Variants in SCLT1 observed in about 807,000 individuals in gnomAD.
SCLT1 encodes sodium channel-associated protein 1.
Under a neutral mutation model 112.8 loss-of-function variants are expected in SCLT1, and 78 were observed. That is an observed-to-expected ratio of 0.69 (90% CI 0.58 to 0.83). SCLT1 has a LOEUF of 0.83. Among genes scored for constraint, SCLT1 ranks in the 40% least tolerant of loss-of-function variants. The pLI is 0.00. For synonymous variants in SCLT1, 257 were observed against 254.7 expected, an observed-to-expected ratio of 1.01 and a Z score of -0.09; for missense variants, 747 against 770.4, an observed-to-expected ratio of 0.97 and a Z score of 0.36.
intron 9 of SCLT1, among the ~76,000 whole-genome samples, chr4:128,987,376 G>A (rs867309874): frequency 7.9e-5 from 12 of 152,178 alleles, no homozygotes; most frequent in African/African-American, 2.7e-4. Flanking sequence ...CAATCCTAGA[G>A]TGACGGAGAT....
At chr4:129,035,739 T>C (rs1228975918) in intron 5 of SCLT1, among the ~76,000 whole-genome samples, 1 of 151,982 alleles carries the variant, frequency 6.6e-6, no homozygotes, top group Non-Finnish European at 1.5e-5. Flanking sequence ...AAAAATAGTA[T>C]TGAGAAAGAA....
intron 18 of SCLT1, among the ~76,000 whole-genome samples, chr4:128,904,100 T>C (rs964167857): frequency 6.6e-6 from 1 of 152,080 alleles, no homozygotes; most frequent in Admixed American, 6.5e-5. Context: ...TGGTATGATA[T>C]TTTAAAGAGT....
At chr4:129,032,834 C>T (rs1464283987) in intron 5 of SCLT1, among the ~76,000 whole-genome samples, 1 of 152,128 alleles carries the variant, frequency 6.6e-6, no homozygotes, top group Non-Finnish European at 1.5e-5. Context: ...CAGGAAACAA[C>T]AGATGCTGGT....
intron 10 of SCLT1, among the ~76,000 whole-genome samples, chr4:128,968,907 T>A (rs1239544596): frequency 6.6e-6 from 1 of 152,182 alleles, no homozygotes; most frequent in Non-Finnish European, 1.5e-5. Flanking sequence ...CTCATCATCT[T>A]TGTGGTTCCC....
At chr4:128,905,836 T>C (rs1338035994) in intron 18 of SCLT1, among the ~76,000 whole-genome samples, 1 of 152,070 alleles carries the variant, frequency 6.6e-6, no homozygotes, top group Non-Finnish European at 1.5e-5. Context: ...ATAATCTAGC[T>C]CTTCTAACTC....
At chr4:128,967,320 A>T (rs186841775) in intron 10 of SCLT1, among the ~76,000 whole-genome samples, 1 of 152,342 alleles carries the variant, frequency 6.6e-6, no homozygotes, top group East Asian at 1.9e-4. Context: ...ATGAACATAC[A>T]TGGACATGTG....
In SCLT1 at chr4:129,043,977, T is replaced by C. The variant is rs1195177306; in HGVS notation, c.161+16A>G. 2 of 1,268,054 alleles carry C rather than the reference T, an allele frequency of 1.6e-6. No homozygotes were observed. Among genetic ancestry groups the C allele is most frequent in the Non-Finnish European group, 2.3e-6 (2 of 877,980 alleles). The allele number at this position is 1,268,054 out of a possible 1,614,324, so 78.6% of individuals were successfully genotyped here. A position where few individuals can be genotyped will look rare whatever the true frequency, so the allele number is the denominator to read the frequency against. ...AATATAACGAAGAAAATGATATTAT[T>C]CTGGTAATACTTTACCTTTGGTCAA... On this transcript the variant is annotated intron_variant, in intron 3 of 20. Coordinates refer to ENST00000281142, the MANE Select transcript of SCLT1 (RefSeq NM_144643.4).
chr4:129,035,253 G>A (rs771133244), intron 5 of SCLT1, among the ~76,000 whole-genome samples: 7 of 152,114 alleles, frequency 4.6e-5, no homozygotes, highest in Non-Finnish European at 1.0e-4. Context: ...GGCTATAGCA[G>A]CTTCACACAT....
intron 5 of SCLT1, among the ~76,000 whole-genome samples, chr4:129,026,928 T>G (rs918385490): frequency 1.3e-5 from 2 of 152,066 alleles, no homozygotes; most frequent in Non-Finnish European, 2.9e-5. Flanking sequence ...AACACCTCTA[T>G]GCAAATAAAC....
intron 13 of SCLT1, among the ~76,000 whole-genome samples, chr4:128,953,735 C>T (rs1429969305): frequency 6.7e-6 from 1 of 149,680 alleles, no homozygotes; most frequent in Non-Finnish European, 1.5e-5. Context: ...GGAGGCAGAG[C>T]TTGCAGTGAG....
intron 1 of SCLT1, among the ~76,000 whole-genome samples, chr4:129,084,594 A>G (rs180806503): frequency 7.8e-4 from 119 of 152,280 alleles, no homozygotes; most frequent in African/African-American, 2.8e-3. Flanking sequence ...ACACACCTGG[A>G]GGCATCATGT....
intron 11 of SCLT1, among the ~76,000 whole-genome samples, chr4:128,961,693 C>T (rs1023376349): frequency 3.9e-5 from 6 of 152,100 alleles, no homozygotes; most frequent in Non-Finnish European, 5.9e-5. Context: ...CCTGAGGGGT[C>T]TGTGTTCAAA....
chr4:129,028,030 T>C (rs915979022), intron 5 of SCLT1, among the ~76,000 whole-genome samples: 3 of 152,016 alleles, frequency 2.0e-5, no homozygotes, highest in South Asian at 4.1e-4. Flanking sequence ...TAAAAGAGGA[T>C]ACAAACAAAT....
chr4:129,048,893 T>C (rs1748465895), intron 2 of SCLT1, among the ~76,000 whole-genome samples: 1 of 152,112 alleles, frequency 6.6e-6, no homozygotes, highest in South Asian at 2.1e-4. Flanking sequence ...TCATCATCAC[T>C]GGCCATCAGA....
chr4:129,074,128 C>T (rs1438956695), intron 2 of SCLT1, among the ~76,000 whole-genome samples: 1 of 152,106 alleles, frequency 6.6e-6, no homozygotes, highest in African/African-American at 2.4e-5. Context: ...AAATAATATG[C>T]TGTTTATCTT....
chr4:129,078,786 T>C (rs1358534780), intron 2 of SCLT1, among the ~76,000 whole-genome samples: 2 of 152,204 alleles, frequency 1.3e-5, no homozygotes, highest in Non-Finnish European at 2.9e-5. Flanking sequence ...AGTTCTGCAT[T>C]AGTCCATTCT....
At chr4:128,962,324 T>A (rs1298266422) in intron 11 of SCLT1, among the ~76,000 whole-genome samples, 1 of 152,350 alleles carries the variant, frequency 6.6e-6, no homozygotes, top group African/African-American at 2.4e-5. Context: ...TGACATATTA[T>A]GTGAATGGAA....
intron 8 of SCLT1, among the ~76,000 whole-genome samples, chr4:128,995,482 T>A (rs935583574): frequency 6.6e-6 from 1 of 152,118 alleles, no homozygotes; most frequent in South Asian, 2.1e-4. Context: ...GTATGGAACA[T>A]CTTTAGCTGG....
chr4:129,074,429 C>A (rs1279024472), intron 2 of SCLT1, among the ~76,000 whole-genome samples: 2 of 151,942 alleles, frequency 1.3e-5, no homozygotes, highest in African/African-American at 2.4e-5. Flanking sequence ...GATAGAAAAT[C>A]TTTGAAAGAA....
Sources: allele counts gnomAD v4.1 joint callset (sites outside exome capture counted in the v4.1 genomes callset), GRCh38; gene constraint gnomAD v4.1.1; transcripts MANE v1.5; gene names NCBI Gene and HGNC (gene_info 2026-07-23, HGNC 2026-07-21).